Variants in LIFR observed in about 807,000 individuals in gnomAD.
LIFR encodes LIF receptor subunit alpha, also known as leukemia inhibitory factor receptor.
In LIFR, 84 loss-of-function variants were observed where a neutral mutation model predicts 122.2. That is an observed-to-expected ratio of 0.69 (90% CI 0.58 to 0.82). LIFR has a LOEUF of 0.82. LIFR is among the 40% of genes least tolerant of loss of function. LIFR has a pLI of 0.00. For missense variants in LIFR, 1,294 were observed against 1,311.6 expected, an observed-to-expected ratio of 0.99 and a Z score of 0.21; for synonymous variants, 422 against 434.7, an observed-to-expected ratio of 0.97 and a Z score of 0.36.
At chr5:38,483,158 A>G (rs746969615) in intron 18 of LIFR, among the ~76,000 whole-genome samples, 1 of 152,210 alleles carries the variant, frequency 6.6e-6, no homozygotes, top group Non-Finnish European at 1.5e-5. Context: ...TAAAAGTGAT[A>G]GCCACGTGTC....
chr5:38,526,458 A>T (rs1046613901), intron 4 of LIFR, among the ~76,000 whole-genome samples: 4 of 149,686 alleles, frequency 2.7e-5, no homozygotes, highest in Admixed American at 1.3e-4. Context: ...TATATATATA[A>T]AATCTTGTTT....
At position 38,476,575 on chromosome 5, in the gene LIFR, G is replaced by A. The variant is rs1474954700; in HGVS notation, c.*5020C>T. On this transcript the variant is annotated 3_prime_UTR_variant, in exon 20 of 20. Transcript: ENST00000453190. ...TACTGTAAAGGCAATCTTAGAAGATGCATGTAAATATAATATAAATCAACT... is the reference window on the plus strand; with the variant it reads ...TACTGTAAAGGCAATCTTAGAAGATACATGTAAATATAATATAAATCAACT... 1 of 202,598 alleles carries A rather than the reference G, an allele frequency of 4.9e-6. No homozygotes were observed. Among genetic ancestry groups the A allele is most frequent in the Non-Finnish European group, 1.0e-5 (1 of 99,586 alleles). The allele number at this position is 202,598 out of a possible 1,614,324, so 12.6% of individuals were successfully genotyped here. A position where few individuals can be genotyped will look rare whatever the true frequency, so the allele number is the denominator to read the frequency against.
At chr5:38,490,743 G>A (rs936272180) in intron 14 of LIFR, 3 of 152,936 alleles carry the variant, frequency 2.0e-5, no homozygotes, top group Admixed American at 6.5e-5. Context: ...GGGATTACAG[G>A]TGCCCGCCAC....
chr5:38,483,445 CAG>C (rs1744107550), intron 18 of LIFR, among the ~76,000 whole-genome samples: 1 of 151,436 alleles, frequency 6.6e-6, no homozygotes, highest in African/African-American at 2.4e-5. Flanking sequence ...TTTTTTGAGA[CAG>C]AGTCTTGCAC....
chr5:38,515,797 T>C (rs892931138), intron 5 of LIFR, among the ~76,000 whole-genome samples: 1 of 152,240 alleles, frequency 6.6e-6, no homozygotes, highest in African/African-American at 2.4e-5. Context: ...GGGGGAGCAG[T>C]GCCTGGTGAG....
At chr5:38,553,622 CTATATATA>C (rs66547796) in intron 1 of LIFR, among the ~76,000 whole-genome samples, 677 of 41,532 alleles carry the variant, frequency 0.016, 5 homozygotes, top group Middle Eastern at 0.033. Flanking sequence ...ACCATTTAAA[CTATATATA>C]TATATATATA....
rs73749257 is a variant in LIFR at position 38,485,015 on chromosome 5, T to A, written c.2498-147A>T. On this transcript the variant is annotated intron_variant, in intron 17 of 19. Coordinates refer to ENST00000453190, the MANE Select transcript of LIFR (RefSeq NM_001127671.2). ...CAGGGACACTGAAAAACTATTAAAA[T>A]CAAACTTTCAGGTATTGTGATAATT... 8.8e-4 allele frequency: 568 copies of A among 648,644 alleles called. 3 individuals carry two copies. In the African/African-American group the frequency reaches 9.8e-3, roughly 11 times the overall value. The allele number at this position is 648,644 out of a possible 1,614,324, so 40.2% of individuals were successfully genotyped here. A position where few individuals can be genotyped will look rare whatever the true frequency, so the allele number is the denominator to read the frequency against.
rs1214605183 is a variant in LIFR at position 38,553,654 on chromosome 5, ATATATATATATATATATATT to A, written c.-20+2660_-20+2679del. ...TATATATATATATATATATATATAT[ATATATATATATATATATATT>A]ATATGTATGTATATATTTTAAAAGA... On this transcript the variant is annotated intron_variant, in intron 1 of 19. Coordinates refer to ENST00000453190, the MANE Select transcript of LIFR (RefSeq NM_001127671.2). 3.8e-5 allele frequency among the ~76,000 whole-genome samples: 4 copies of A among 104,174 alleles called. 1 individual carries two copies. The highest frequency in any genetic ancestry group is 1.6e-4 in the African/African-American group (4 of 24,516). 68.3% of individuals were successfully genotyped at this position (104,174 alleles called of 152,430 possible).
At chr5:38,600,437 A>G (rs1179751894) in intron 2 of LIFR, among the ~76,000 whole-genome samples, 2 of 152,178 alleles carry the variant, frequency 1.3e-5, no homozygotes, top group African/African-American at 4.8e-5. Context: ...AGTTTTAACT[A>G]TTTGGGTTCT....
At chr5:38,484,665 AACTT>A (rs1744184616) in intron 18 of LIFR, 106 bp downstream of exon 18, 1 of 731,040 alleles carries the variant, frequency 1.4e-6, no homozygotes, top group Non-Finnish European at 2.4e-6. Flanking sequence ...TTTTTTAACT[AACTT>A]ATTACAACAA....
chr5:38,607,158 T>TA (rs1220749123), intron 1 of LIFR, among the ~76,000 whole-genome samples: 4 of 152,224 alleles, frequency 2.6e-5, no homozygotes, highest in Non-Finnish European at 5.9e-5. Context: ...AACATTTATC[T>TA]AAGCTATTTT....
chr5:38,482,375 G>A (rs948150022), intron 19 of LIFR, among the ~76,000 whole-genome samples, 157 bp from the exon 20 acceptor site: 1 of 151,736 alleles, frequency 6.6e-6, no homozygotes, highest in East Asian at 1.9e-4. Flanking sequence ...TTTTTCTTCC[G>A]TATCAGTATT....
intron 1 of LIFR, among the ~76,000 whole-genome samples, chr5:38,587,337 C>T (rs1749782990): frequency 2.6e-5 from 4 of 152,032 alleles, no homozygotes. Context: ...GATGTTTAAG[C>T]CTGGACATTA....
intron 12 of LIFR, among the ~76,000 whole-genome samples, chr5:38,498,025 T>C (rs962143558): frequency 6.6e-6 from 1 of 152,200 alleles, no homozygotes; most frequent in Non-Finnish European, 1.5e-5. Flanking sequence ...TTCAAACCTC[T>C]TCATTTATAC....
intron 5 of LIFR, among the ~76,000 whole-genome samples, chr5:38,522,930 T>C (rs760410833): frequency 5.3e-5 from 8 of 152,096 alleles, no homozygotes; most frequent in Non-Finnish European, 1.0e-4. Flanking sequence ...TGTTGTTCAT[T>C]ACTCCTTAGA....
At chr5:38,526,747 A>G (rs1246437574) in intron 4 of LIFR, among the ~76,000 whole-genome samples, 1 of 152,194 alleles carries the variant, frequency 6.6e-6, no homozygotes, top group South Asian at 2.1e-4. Flanking sequence ...CCAATACATT[A>G]CATGATATGT....
In LIFR at chr5:38,482,177, G is replaced by A. The variant is rs374374972; in HGVS notation, c.2712C>T (p.Thr904=). 6.3e-6 allele frequency: 10 copies of A among 1,592,984 alleles called. No individual in the cohort carries two copies. The highest frequency in any genetic ancestry group is 8.5e-6 in the Non-Finnish European group (10 of 1,174,540). ...TTTCCAGAACCTCAACATTATTTGG[G>A]GTACAAGGATTCATTTCCAATGTTT... The part of the protein sequence containing the change: ...ALKTLEMNPC[T]PNNVEVLETR... The change falls in exon 20 of 20, where the codon ACC becomes ACT. Residue 904 remains threonine, a synonymous_variant. Transcript: ENST00000453190.
chr5:38,568,763 A>T (rs947461696), intron 1 of LIFR, among the ~76,000 whole-genome samples: 5 of 152,200 alleles, frequency 3.3e-5, no homozygotes, highest in Non-Finnish European at 7.3e-5. Context: ...CAGCCATCAG[A>T]AGCAGGTTGA....
intron 8 of LIFR, 130 bp downstream of exon 8, chr5:38,506,373 A>C: frequency 9.1e-7 from 1 of 1,104,796 alleles, no homozygotes; most frequent in Non-Finnish European, 1.4e-6. Context: ...TATAAGTGTA[A>C]TTTTATACAG....
Sources: allele counts gnomAD v4.1 joint callset (sites outside exome capture counted in the v4.1 genomes callset), GRCh38; gene constraint gnomAD v4.1.1; transcripts MANE v1.5; gene names NCBI Gene and HGNC (gene_info 2026-07-23, HGNC 2026-07-21).